Variants in CCDC102B observed in about 807,000 individuals in gnomAD.
CCDC102B encodes the protein coiled-coil domain-containing protein 102B.
CCDC102B carries 75 observed loss-of-function variants against 57.4 expected under a neutral mutation model. The ratio of observed to expected loss-of-function variants is 1.31; its 90% confidence interval spans 1.08 to 1.58. The LOEUF (loss-of-function observed/expected upper bound fraction) is 1.58. Among genes scored for constraint, CCDC102B ranks in the 40% most tolerant of loss-of-function variants. The pLI, the probability that CCDC102B is intolerant of heterozygous loss-of-function variation, is 0.00. For missense variants in CCDC102B, 636 were observed against 582.6 expected, an observed-to-expected ratio of 1.09 and a Z score of -0.94; for synonymous variants, 206 against 201.9, an observed-to-expected ratio of 1.02 and a Z score of -0.17.
intron 2 of CCDC102B, among the ~76,000 whole-genome samples, chr18:68,736,171 A>G (rs1163772265): frequency 2.6e-5 from 4 of 152,244 alleles, no homozygotes; most frequent in Non-Finnish European, 4.4e-5. Context: ...TATAGGGAAT[A>G]ACAATTCTAA....
At chr18:68,880,259 G>A (rs144616351) in intron 5 of CCDC102B, among the ~76,000 whole-genome samples, 5,731 of 152,298 alleles carry the variant, frequency 0.038, 170 homozygotes, top group South Asian at 0.075. Context: ...CTCATTGCCC[G>A]GGGCCGGCAG....
At chr18:69,049,425 A>G (rs2052649743) in intron 7 of CCDC102B, among the ~76,000 whole-genome samples, 1 of 151,986 alleles carries the variant, frequency 6.6e-6, no homozygotes, top group African/African-American at 2.4e-5. Context: ...TTATTGGTTT[A>G]TTCTCTAGTG....
rs537656095 is a variant in CCDC102B at position 68,778,112 on chromosome 18, C to T, written c.-66-45254C>T. Reference sequence around the variant, plus strand: ...TCTAACAGCAGAACAACTTTATGACCGTCAGATGTGCTTGGGACTCTAGAA... The same window carrying T: ...TCTAACAGCAGAACAACTTTATGACTGTCAGATGTGCTTGGGACTCTAGAA... On this transcript the variant is annotated intron_variant, in intron 2 of 3. Transcript: ENST00000578970. Among the ~76,000 whole-genome samples the T allele has an allele frequency of 1.2e-4, 19 of 152,200 alleles. No homozygotes were observed. In the South Asian group the frequency reaches 3.1e-3, roughly 25 times the overall value.
At chr18:68,798,929 A>G (rs2035736142) in intron 1 of CCDC102B, among the ~76,000 whole-genome samples, 1 of 152,102 alleles carries the variant, frequency 6.6e-6, no homozygotes, top group African/African-American at 2.4e-5. Context: ...ATATAAATAT[A>G]AGAAAGATTC....
In CCDC102B at chr18:69,028,912, A is replaced by G. The variant is rs143986905; in HGVS notation, c.1434+17808A>G. ...AAAAAAAAACTAGAATTTCCTTTCT[A>G]TTACATAAATTGTTCATGGCATGTT... On this transcript the variant is annotated intron_variant, in intron 7 of 7. Transcript: ENST00000360242. Among the ~76,000 whole-genome samples, 141 of 150,600 alleles carry G rather than the reference A, an allele frequency of 9.4e-4. 1 individual carries two copies. The highest frequency in any genetic ancestry group is 3.1e-3 in the African/African-American group (125 of 40,004).
At chr18:68,877,061 A>ATAGTTTG (rs1277145712) in intron 5 of CCDC102B, among the ~76,000 whole-genome samples, 1 of 152,240 alleles carries the variant, frequency 6.6e-6, no homozygotes, top group African/African-American at 2.4e-5. Flanking sequence ...AGTTTGAAAT[A>ATAGTTTG]AAATACTGAA....
At chr18:68,916,568 G>A (rs536406273) in intron 6 of CCDC102B, among the ~76,000 whole-genome samples, 31 of 152,258 alleles carry the variant, frequency 2.0e-4, no homozygotes, top group Non-Finnish European at 4.4e-4. Context: ...GGTACATGAG[G>A]GAAAACTAGA....
intron 6 of CCDC102B, among the ~76,000 whole-genome samples, chr18:68,972,736 T>A (rs2050334535): frequency 6.6e-6 from 1 of 152,196 alleles, no homozygotes; most frequent in Non-Finnish European, 1.5e-5. Flanking sequence ...TTTTAGGGAT[T>A]CCTTTTTTAA....
At chr18:68,911,979 T>C (rs2040892549) in intron 6 of CCDC102B, among the ~76,000 whole-genome samples, 1 of 152,096 alleles carries the variant, frequency 6.6e-6, no homozygotes, top group Non-Finnish European at 1.5e-5. Flanking sequence ...CATTTTGGTT[T>C]TGTAAAAGCT....
chr18:68,987,139 C>T (rs2050744996), intron 6 of CCDC102B, among the ~76,000 whole-genome samples: 1 of 152,156 alleles, frequency 6.6e-6, no homozygotes, highest in Non-Finnish European at 1.5e-5. Context: ...AAGAACAAAG[C>T]TGAATGCAGC....
At chr18:68,727,617 C>A (rs1224278535) in intron 2 of CCDC102B, among the ~76,000 whole-genome samples, 1 of 152,212 alleles carries the variant, frequency 6.6e-6, no homozygotes, top group Non-Finnish European at 1.5e-5. Context: ...GACTTGGCTG[C>A]TACTGCTACT....
intron 4 of CCDC102B, among the ~76,000 whole-genome samples, chr18:68,863,015 C>A (rs1302628210): frequency 6.6e-6 from 1 of 151,722 alleles, no homozygotes; most frequent in Non-Finnish European, 1.5e-5. Flanking sequence ...ATAACAATAA[C>A]ATTTTAAACC....
At chr18:68,833,383 G>GTTTT (rs11290357) in intron 1 of CCDC102B, among the ~76,000 whole-genome samples, 3 of 142,468 alleles carry the variant, frequency 2.1e-5, no homozygotes, top group African/African-American at 5.2e-5. Flanking sequence ...TGCTTTTCCT[G>GTTTT]TTTTTTTTTT....
intron 7 of CCDC102B, among the ~76,000 whole-genome samples, chr18:69,014,979 G>GTGTT (rs1491457720): frequency 8.1e-5 from 1 of 12,362 alleles, no homozygotes; most frequent in Non-Finnish European, 1.0e-3. Context: ...GAGAGAGAGA[G>GTGTT]TGTGTGTGTG....
chr18:68,753,526 CAT>C (rs957236232), intron 2 of CCDC102B: 5 of 152,536 alleles, frequency 3.3e-5, no homozygotes, highest in African/African-American at 1.2e-4. Flanking sequence ...AGATAAGAAA[CAT>C]AGCATTCTCT....
At chr18:68,919,771 A>C (rs559399750) in intron 6 of CCDC102B, among the ~76,000 whole-genome samples, 4 of 152,272 alleles carry the variant, frequency 2.6e-5, no homozygotes, top group African/African-American at 9.6e-5. Context: ...TGGTATTGAG[A>C]TATTGTAGTT....
At chr18:68,897,484 G>C in intron 6 of CCDC102B, 56 bp downstream of exon 6, 4 of 1,560,276 alleles carry the variant, frequency 2.6e-6, no homozygotes, top group Non-Finnish European at 2.6e-6. Flanking sequence ...TGATGCCTAC[G>C]CAGAGTCTGT....
chr18:69,040,388 G>C (rs1256251265), intron 7 of CCDC102B, among the ~76,000 whole-genome samples: 2 of 5,192 alleles, frequency 3.9e-4, no homozygotes, highest in African/African-American at 5.4e-4. Context: ...ATGCAGGGGT[G>C]TGTGTGTGTG....
chr18:68,808,342 T>C (rs2036107972), intron 1 of CCDC102B, among the ~76,000 whole-genome samples: 2 of 152,082 alleles, frequency 1.3e-5, no homozygotes, highest in South Asian at 4.1e-4. Context: ...TTTGTCAATA[T>C]ATTACTAGCT....
Sources: allele counts gnomAD v4.1 joint callset (sites outside exome capture counted in the v4.1 genomes callset), GRCh38; gene constraint gnomAD v4.1.1; transcripts MANE v1.5; gene names NCBI Gene and HGNC (gene_info 2026-07-23, HGNC 2026-07-21).